Variants in SKIL observed in about 807,000 individuals in gnomAD.
SKIL encodes the protein ski-like protein.
A neutral mutation model predicts 69.6 loss-of-function variants in SKIL; 20 were observed. The ratio of observed to expected loss-of-function variants is 0.29; its 90% confidence interval spans 0.20 to 0.42. The LOEUF (loss-of-function observed/expected upper bound fraction) is 0.42. Among genes scored for constraint, SKIL ranks in the 10% least tolerant of loss-of-function variants. SKIL has a pLI of 1.00. For synonymous variants in SKIL, 310 were observed against 279.9 expected (o/e 1.11, Z -1.08); for missense variants, 745 against 783.1 (o/e 0.95, Z 0.58).
intron 2 of SKIL, among the ~76,000 whole-genome samples, chr3:170,371,988 A>G (rs1736823623): frequency 6.6e-6 from 1 of 152,366 alleles, no homozygotes; most frequent in East Asian, 1.9e-4. Flanking sequence ...GTAAATTGTT[A>G]AGCATATATG....
chr3:170,386,942 C>CTTTTAAAGTAT (rs1223017398), intron 4 of SKIL, among the ~76,000 whole-genome samples: 2 of 152,164 alleles, frequency 1.3e-5, no homozygotes, highest in Non-Finnish European at 2.9e-5. Flanking sequence ...CTTTTAAAGC[C>CTTTTAAAGTAT]TACAATTCAG....
chr3:170,370,259 A>G (rs947632406), intron 2 of SKIL, among the ~76,000 whole-genome samples: 36 of 152,026 alleles, frequency 2.4e-4, no homozygotes, highest in Non-Finnish European at 4.6e-4. Flanking sequence ...AATAAAATAA[A>G]ATGTGGTTTG....
At chr3:170,372,863 T>C (rs944530164) in intron 2 of SKIL, among the ~76,000 whole-genome samples, 1 of 152,204 alleles carries the variant, frequency 6.6e-6, no homozygotes, top group Non-Finnish European at 1.5e-5. Flanking sequence ...AAATAGGCCA[T>C]TAGGGAGATA....
intron 2 of SKIL, among the ~76,000 whole-genome samples, chr3:170,366,672 A>C (rs1432971900): frequency 8.9e-6 from 1 of 112,380 alleles, no homozygotes; most frequent in Non-Finnish European, 1.9e-5. Flanking sequence ...TCTGTCTCAA[A>C]ACACACACAC....
intron 2 of SKIL, among the ~76,000 whole-genome samples, chr3:170,367,749 G>A (rs1056263339): frequency 2.0e-5 from 3 of 152,134 alleles, no homozygotes; most frequent in Admixed American, 1.3e-4. Flanking sequence ...GATTACAGGC[G>A]TGAGCCACCG....
intron 2 of SKIL, among the ~76,000 whole-genome samples, chr3:170,377,150 TA>T (rs1737068835): frequency 6.6e-6 from 1 of 152,194 alleles, no homozygotes; most frequent in Non-Finnish European, 1.5e-5. Context: ...AGGAACTATG[TA>T]AATAAGTGAT....
In SKIL at chr3:170,361,300, T is replaced by C. The variant is rs1736219258; in HGVS notation, c.969T>C (p.Ala323=). 6.2e-7 allele frequency: 1 copy of C among 1,614,052 alleles called. No individual in the cohort carries two copies. The highest frequency in any genetic ancestry group is 1.3e-5 in the African/African-American group (1 of 74,932). Residue 323 remains alanine, a synonymous_variant, in exon 2 of 7, where the codon GCT becomes GCC. Coordinates refer to ENST00000259119, the MANE Select transcript of SKIL (RefSeq NM_005414.5). Reference sequence around the variant, plus strand: ...CTTGCCACTGGGGCTTTGAATCAGCTAAATGGCATTGCTATCTTCATGTGA... The same window carrying C: ...CTTGCCACTGGGGCTTTGAATCAGCCAAATGGCATTGCTATCTTCATGTGA... ...KRTCHWGFES[A]KWHCYLHVNQ... is the part of the protein sequence containing the mutation.
intron 3 of SKIL, among the ~76,000 whole-genome samples, chr3:170,382,758 G>T (rs1335634766): frequency 4.9e-5 from 6 of 122,962 alleles, no homozygotes; most frequent in African/African-American, 1.9e-4. Context: ...TCGCTCTGTT[G>T]CCCAGGCTGG....
chr3:170,384,516 C>G lies in SKIL; in HGVS notation c.1197-17C>G. 8.1e-7 allele frequency: 1 copy of G among 1,230,582 alleles called. No homozygotes were observed. The highest frequency in any genetic ancestry group is 1.3e-5 in the South Asian group (1 of 76,466). 76.2% of individuals were successfully genotyped at this position (1,230,582 alleles called of 1,614,324 possible). A position where few individuals can be genotyped will look rare whatever the true frequency, so the allele number is the denominator to read the frequency against. ...AATATGTAATATATGTCTTGTTTTG[C>G]TTTTACTTGTTTTCAGCTACTACTT... On this transcript the variant is annotated splice_polypyrimidine_tract_variant and intron_variant, in intron 3 of 6. Coordinates refer to ENST00000259119, the MANE Select transcript of SKIL (RefSeq NM_005414.5).
At chr3:170,385,257 A>AT (rs1159207619) in intron 4 of SKIL, among the ~76,000 whole-genome samples, 1,553 of 136,708 alleles carry the variant, frequency 0.011, 17 homozygotes, top group African/African-American at 0.03. Context: ...AAAAAAAAAA[A>AT]TTTTTTTTTT....
At chr3:170,364,233 G>A (rs1383302503) in intron 2 of SKIL, among the ~76,000 whole-genome samples, 1 of 151,292 alleles carries the variant, frequency 6.6e-6, no homozygotes, top group Non-Finnish European at 1.5e-5. Flanking sequence ...GATTACAGGC[G>A]TGAGCCACCA....
At position 170,391,124 on chromosome 3, in the gene SKIL, A is replaced by G. The variant is rs1483524938; in HGVS notation, c.1760A>G (p.Asn587Ser). 1.2e-6 allele frequency: 2 copies of G among 1,609,062 alleles called. No individual in the cohort carries two copies. The highest frequency in any genetic ancestry group is 1.7e-6 in the Non-Finnish European group (2 of 1,175,480). The stretch of plus-strand genomic sequence containing the variant: ...CAGAAAGAGCTTGAATCTTTGCAGA[A>G]TGAACATGCTCAAAGAATGGAAGAA... Reference protein sequence around the residue: ...NLQKELESLQNEHAQRMEEFY... With the variant: ...NLQKELESLQSEHAQRMEEFY... Residue 587 changes from asparagine to serine, a missense_variant, in exon 6 of 7, where the codon AAT (asparagine) becomes AGT (serine). Coordinates refer to ENST00000259119, the MANE Select transcript of SKIL (RefSeq NM_005414.5).
chr3:170,358,172 G>C (rs1042484793), intron 1 of SKIL, among the ~76,000 whole-genome samples: 1 of 152,212 alleles, frequency 6.6e-6, no homozygotes, highest in Admixed American at 6.5e-5. Context: ...CGCGCCCGGC[G>C]CCTAAACTGC....
intron 4 of SKIL, among the ~76,000 whole-genome samples, chr3:170,387,758 C>CAAAAAAAAAA (rs1491225974): frequency 2.5e-4 from 4 of 16,120 alleles, no homozygotes; most frequent in Non-Finnish European, 3.5e-4. Flanking sequence ...CCCGTCTCTA[C>CAAAAAAAAAA]TAAAAAAAAA....
intron 4 of SKIL, among the ~76,000 whole-genome samples, chr3:170,388,654 T>C (rs1383309852): frequency 3.9e-5 from 6 of 152,094 alleles, no homozygotes; most frequent in African/African-American, 1.4e-4. Context: ...GGTCTCAAAC[T>C]CGTGAGCTTA....
chr3:170,360,591 AAC>A lies in SKIL; in HGVS notation c.266_267del (p.Thr89IlefsTer8). 6.2e-7 allele frequency: 1 copy of A among 1,614,208 alleles called. No individual in the cohort carries two copies. Among genetic ancestry groups the A allele is most frequent in the Non-Finnish European group, 8.5e-7 (1 of 1,180,044 alleles). ...ACTTTGCATTTAAATCCCAGTTTGA[AAC>A]ACACATTGGCACAATTCCATTTAAG... On this transcript the variant is annotated frameshift_variant, in exon 2 of 7. Transcript: ENST00000259119. LOFTEE classifies it high-confidence loss of function.
Position 170,396,142 on chromosome 3 carries a change from A to C in SKIL, c.*3725A>C, listed in dbSNP as rs1738173789. The C allele has an allele frequency of 6.6e-6, 1 of 151,994 alleles. No homozygotes were observed. The allele number at this position is 151,994 out of a possible 1,614,324, so 9.4% of individuals were successfully genotyped here. ...AATTTTTGAATTAGAAAGTGATCAA[A>C]TGTAAGAAAAAAATTTAAAAATTCA... On this transcript the variant is annotated 3_prime_UTR_variant, in exon 7 of 7. Coordinates refer to ENST00000259119, the MANE Select transcript of SKIL (RefSeq NM_005414.5).
chr3:170,375,377 A>G (rs1736982919), intron 2 of SKIL, among the ~76,000 whole-genome samples: 1 of 152,256 alleles, frequency 6.6e-6, no homozygotes, highest in Admixed American at 6.5e-5. Context: ...GGTTTGGCTC[A>G]TGAGTAAAGA....
In SKIL at chr3:170,393,926, G is replaced by T. The variant is rs1210469585; in HGVS notation, c.*1509G>T. On this transcript the variant is annotated 3_prime_UTR_variant, in exon 7 of 7. Transcript: ENST00000259119. ...ATTTAACCAGTTATTTTCATATTTT[G>T]CTTAATAGTACATATCCAAAAAGAA... 1 of 151,858 alleles carries T rather than the reference G, an allele frequency of 6.6e-6. No individual in the cohort carries two copies. The highest frequency in any genetic ancestry group is 2.4e-5 in the African/African-American group (1 of 41,352). The allele number at this position is 151,858 out of a possible 1,614,324, so 9.4% of individuals were successfully genotyped here.
Sources: allele counts gnomAD v4.1 joint callset (sites outside exome capture counted in the v4.1 genomes callset), GRCh38; gene constraint gnomAD v4.1.1; transcripts MANE v1.5; gene names NCBI Gene and HGNC (gene_info 2026-07-23, HGNC 2026-07-21).